Variants in CLIP1 observed in about 807,000 individuals in gnomAD.
The protein encoded by CLIP1 is CAP-Gly domain-containing linker protein 1.
CLIP1 carries 66 observed loss-of-function variants against 161.6 expected under a neutral mutation model. The observed-to-expected ratio is 0.41, with a 90% confidence interval of 0.33 to 0.50. CLIP1 has a LOEUF of 0.50. Among genes scored for constraint, CLIP1 ranks in the 20% least tolerant of loss-of-function variants. The pLI is 0.27. For missense variants in CLIP1, 1,376 were observed against 1,702.0 expected (o/e 0.81, Z 3.37); for synonymous variants, 598 against 626.2 (o/e 0.96, Z 0.67).
intron 1 of CLIP1, among the ~76,000 whole-genome samples, chr12:122,382,877 GAA>G (rs1470355490): frequency 1.3e-5 from 2 of 152,106 alleles, no homozygotes; most frequent in East Asian, 3.9e-4. Context: ...AGTGATGAGG[GAA>G]AGAGATCCGG....
intron 1 of CLIP1, chr12:122,396,771 ATTT>A: frequency 7.1e-6 from 1 of 141,232 alleles, no homozygotes; most frequent in Non-Finnish European, 1.6e-5. Context: ...GTTGTTGTTT[ATTT>A]TTTTTTTTTT....
intron 20 of CLIP1, among the ~76,000 whole-genome samples, chr12:122,300,685 C>T (rs1950646576): frequency 6.6e-6 from 1 of 152,192 alleles, no homozygotes; most frequent in Non-Finnish European, 1.5e-5. Flanking sequence ...CTGCCTCAGC[C>T]TCCTGAGTAG....
Position 122,319,356 on chromosome 12 carries a change from C to A in CLIP1, c.3250-8G>T, listed in dbSNP as rs1246670814. 2 of 1,600,986 alleles carry A rather than the reference C, an allele frequency of 1.2e-6. No individual in the cohort carries two copies. Among genetic ancestry groups the A allele is most frequent in the African/African-American group, 1.3e-5 (1 of 74,774 alleles). ...TTCCGCTGTTTGAGCAGCCTAAATA[C>A]AAGGAAACACTGTGAGAAATGAGGA... is the stretch of plus-strand genomic sequence containing the variant. On this transcript the variant is annotated splice_polypyrimidine_tract_variant and splice_region_variant and intron_variant, in intron 17 of 25. Transcript: ENST00000620786.
At chr12:122,351,988 G>T (rs1238431528) in intron 8 of CLIP1, among the ~76,000 whole-genome samples, 1 of 151,340 alleles carries the variant, frequency 6.6e-6, no homozygotes, top group African/African-American at 2.4e-5. Context: ...CCTTTTATAG[G>T]GTTATAAAAG....
chr12:122,404,214 T>C (rs1956240001), intron 1 of CLIP1, among the ~76,000 whole-genome samples: 1 of 152,108 alleles, frequency 6.6e-6, no homozygotes, highest in African/African-American at 2.4e-5. Context: ...ATCAAATCAG[T>C]GCACTAACAA....
At chr12:122,389,946 G>A (rs1264667844) in intron 1 of CLIP1, among the ~76,000 whole-genome samples, 1 of 149,796 alleles carries the variant, frequency 6.7e-6, no homozygotes, top group Non-Finnish European at 1.5e-5. Context: ...TTGACAGTGA[G>A]TTCTTGCAGG....
intron 15 of CLIP1, among the ~76,000 whole-genome samples, chr12:122,329,084 C>T (rs1043231128): frequency 1.3e-5 from 2 of 152,088 alleles, no homozygotes; most frequent in African/African-American, 4.8e-5. Context: ...GATCCCAGCA[C>T]CCTGGGAGGC....
At chr12:122,312,664 T>TG (rs1397880920) in intron 19 of CLIP1, among the ~76,000 whole-genome samples, 14 of 152,138 alleles carry the variant, frequency 9.2e-5, no homozygotes, top group African/African-American at 2.9e-4. Context: ...CTTGGGAGGC[T>TG]GGGGTGGCAT....
chr12:122,345,686 T>G (rs908349406), intron 10 of CLIP1, among the ~76,000 whole-genome samples: 38 of 152,336 alleles, frequency 2.5e-4, no homozygotes, highest in African/African-American at 8.7e-4. Flanking sequence ...ATTTTTGGAA[T>G]TCTAAAGTTA....
At position 122,278,181 on chromosome 12, in the gene CLIP1, G is replaced by T; in HGVS notation, c.3939C>A (p.Asp1313Glu). 1 of 1,597,580 alleles carries T rather than the reference G, an allele frequency of 6.3e-7. No homozygotes were observed. Residue 1313 changes from aspartate to glutamate, a missense_variant, in exon 24 of 26, where the codon GAC becomes GAA. By Grantham distance (45) the Asp-to-Glu change is conservative (BLOSUM62 2). Around this residue, in one of 6 missense-constraint regions of CLIP1, gnomAD observed 948 missense variants for 1,134.8 expected, o/e 0.84. Coordinates refer to ENST00000620786, the MANE Select transcript of CLIP1 (RefSeq NM_001247997.2). Reference sequence around the variant, plus strand: ...GACTCTCCTGGGCTCTTTCATCCTCGTCTGCCTGAGTGTCTGTATTACCTT... The same window carrying T: ...GACTCTCCTGGGCTCTTTCATCCTCTTCTGCCTGAGTGTCTGTATTACCTT... ...SSSGNTDTQA[D>E]EDERAQESQI...
At chr12:122,412,263 C>G (rs1956565649) in intron 1 of CLIP1, among the ~76,000 whole-genome samples, 1 of 150,794 alleles carries the variant, frequency 6.6e-6, no homozygotes, top group African/African-American at 2.4e-5. Context: ...GGAGTTTTGC[C>G]ATGTTGCCCT....
chr12:122,353,985 G>A (rs143884426), intron 7 of CLIP1, among the ~76,000 whole-genome samples: 55 of 152,204 alleles, frequency 3.6e-4, no homozygotes, highest in African/African-American at 1.3e-3. Flanking sequence ...CAAAGCAGAC[G>A]CTCTTCACAC....
chr12:122,320,869 C>A (rs1172892188), intron 17 of CLIP1, among the ~76,000 whole-genome samples: 1 of 151,236 alleles, frequency 6.6e-6, no homozygotes, highest in Non-Finnish European at 1.5e-5. Context: ...ATCACCACAC[C>A]GGGCTAATTT....
chr12:122,398,261 CAAAAA>C (rs11324468), intron 1 of CLIP1, among the ~76,000 whole-genome samples: 1 of 103,296 alleles, frequency 9.7e-6, no homozygotes, highest in Admixed American at 9.9e-5. Flanking sequence ...ACTGAAAATA[CAAAAA>C]AAAAAAAAAA....
chr12:122,335,014 A>C lies in CLIP1; in HGVS notation c.2569-309T>G, dbSNP rs943809023. On this transcript the variant is annotated intron_variant, in intron 12 of 25. Coordinates refer to ENST00000620786, the MANE Select transcript of CLIP1 (RefSeq NM_001247997.2). ...GCATGTGCGTGTATACATAGGGTGC[A>C]CGTGCATGCTTCATGTTGCCACCTC... 4.6e-5 allele frequency among the ~76,000 whole-genome samples: 7 copies of C among 152,310 alleles called. No homozygotes were observed. The East Asian group carries it at 1.4e-3, about 29-fold the overall frequency.
chr12:122,324,040 T>G (rs1016505296), intron 17 of CLIP1: 6 of 152,686 alleles, frequency 3.9e-5, no homozygotes, highest in African/African-American at 1.4e-4. Context: ...GTTCTTCCTG[T>G]ACAACATTGA....
Position 122,365,002 on chromosome 12 carries a change from G to A in CLIP1, c.658-895C>T, listed in dbSNP as rs921211670. ...TCGCAAGGACAAAAAACCAAACACC[G>A]CATGTTCTCACTCATAGGTGGGAAT... On this transcript the variant is annotated intron_variant, in intron 3 of 25. Transcript: ENST00000620786. 3.1e-4 allele frequency: 122 copies of A among 395,004 alleles called. 1 individual carries two copies. The highest frequency in any genetic ancestry group is 2.5e-3 in the African/African-American group (109 of 44,300). 24.5% of individuals were successfully genotyped at this position (395,004 alleles called of 1,614,324 possible).
chr12:122,336,712 G>A lies in CLIP1; in HGVS notation c.2488C>T (p.Leu830=), dbSNP rs755689547. The A allele has an allele frequency of 1.9e-6, 3 of 1,610,512 alleles. No homozygotes were observed. The South Asian group carries it at 3.3e-5, about 18-fold the overall frequency. ...TTTTCCTGAAGGTTAGTAAGCTTTA[G>A]CTCTCTCCCCTGGAGCTCTCTGGTA... ...SITRELQGRE[L]KLTNLQENLS... Residue 830 remains leucine, a synonymous_variant, in exon 12 of 26, where the codon CTA becomes TTA. Coordinates refer to ENST00000620786, the MANE Select transcript of CLIP1 (RefSeq NM_001247997.2).
chr12:122,326,265 G>A (rs1208577591), intron 17 of CLIP1, among the ~76,000 whole-genome samples: 1 of 152,118 alleles, frequency 6.6e-6, no homozygotes, highest in African/African-American at 2.4e-5. Context: ...GCCAGGAATG[G>A]TGGCTCATGC....
Sources: allele counts gnomAD v4.1 joint callset (sites outside exome capture counted in the v4.1 genomes callset), GRCh38; gene constraint gnomAD v4.1.1; regional missense constraint gnomAD v4.1.1; transcripts MANE v1.5; gene names NCBI Gene and HGNC (gene_info 2026-07-23, HGNC 2026-07-21).